STX16: variants seen among roughly 807,000 people sequenced by gnomAD.
STX16 encodes syntaxin 16.
In STX16, 28 loss-of-function variants were observed where a neutral mutation model predicts 42.7. The ratio of observed to expected loss-of-function variants is 0.66; its 90% CI spans 0.49 to 0.90. The LOEUF is 0.90. Ranked by LOEUF, STX16 falls within the 40% of genes least tolerant of loss-of-function variation. The pLI, the probability that STX16 is intolerant of heterozygous loss-of-function variation, is 0.00. For synonymous variants in STX16, 156 were observed against 155.2 expected (o/e 1.00, Z -0.04); for missense variants, 361 against 420.9 (o/e 0.86, Z 1.24).
chr20:58,667,133 A>T, intron 2 of STX16: 1 of 341,628 alleles, frequency 2.9e-6, no homozygotes, highest in South Asian at 2.5e-5. Context: ...CCGTTCTATC[A>T]CAGTACTAGT....
At chr20:58,658,634 A>T (rs900001436) in intron 1 of STX16, among the ~76,000 whole-genome samples, 2 of 152,224 alleles carry the variant, frequency 1.3e-5, no homozygotes, top group Non-Finnish European at 2.9e-5. Flanking sequence ...TTACTGCTAA[A>T]CATAAAAAAA....
chr20:58,651,963 A>T lies in STX16; in HGVS notation c.-44A>T, dbSNP rs549213992. 1.9e-6 allele frequency: 3 copies of T among 1,604,716 alleles called. No individual in the cohort carries two copies. The African/African-American group carries it at 4.0e-5, about 21-fold the overall frequency. ...AGAAAGTGAATAAATCAGGAATATA[A>T]GTGGGCGGGGGGCCCCTGAGAGGGG... On this transcript the variant is annotated 5_prime_UTR_variant, in exon 1 of 9. In the 5' UTR this introduces an upstream ATG that the reference lacks. Transcript: ENST00000371141.
chr20:58,652,371 ACCCCCCCCC>A (rs11481928), intron 1 of STX16: 11 of 462,056 alleles, frequency 2.4e-5, no homozygotes, highest in Middle Eastern at 6.0e-4. Context: ...CTTCCGCAGC[ACCCCCCCCC>A]CCGCACCCCC....
Position 58,659,508 on chromosome 20 carries a change from T to TA in STX16, c.133-111dup, listed in dbSNP as rs202200795. On this transcript the variant is annotated intron_variant, in intron 1 of 8. Coordinates refer to ENST00000371141, the MANE Select transcript of STX16 (RefSeq NM_001001433.3). ...AGTGGATCTTTATATTTAGTCAGCT[T>TA]AAAATCTCAGTGTTTTCTCAACTGA... 6 of 1,061,594 alleles carry TA rather than the reference T, an allele frequency of 5.7e-6. No individual in the cohort carries two copies. In the East Asian group the frequency reaches 1.6e-4, roughly 28 times the overall value. 65.8% of individuals were successfully genotyped at this position (1,061,594 alleles called of 1,614,324 possible).
chr20:58,666,308 T>G (rs1232856001), intron 2 of STX16, among the ~76,000 whole-genome samples: 2 of 152,154 alleles, frequency 1.3e-5, no homozygotes, highest in Non-Finnish European at 2.9e-5. Flanking sequence ...ATTTAAAAAT[T>G]CTGAGCTCTG....
chr20:58,678,095 T>A lies in STX16; in HGVS notation c.*1804T>A, dbSNP rs1410444560. On this transcript the variant is annotated 3_prime_UTR_variant, in exon 9 of 9. Coordinates refer to ENST00000371141, the MANE Select transcript of STX16 (RefSeq NM_001001433.3). ...CATCCCATCTGATTTTAACCCATGG[T>A]TGAGACGTTCCAAGTTAGATCTGCT... is the stretch of plus-strand genomic sequence containing the variant. 2 of 152,242 alleles carry A rather than the reference T, an allele frequency of 1.3e-5. No homozygotes were observed. Among genetic ancestry groups the A allele is most frequent in the African/African-American group, 4.8e-5 (2 of 41,452 alleles). 9.4% of individuals were successfully genotyped at this position (152,242 alleles called of 1,614,324 possible). A position where few individuals can be genotyped will look rare whatever the true frequency, so the allele number is the denominator to read the frequency against.
intron 7 of STX16, among the ~76,000 whole-genome samples, chr20:58,672,085 C>T (rs7268145): frequency 0.036 from 5,490 of 152,188 alleles, 329 homozygotes; most frequent in African/African-American, 0.13. Flanking sequence ...GTAATCCCAG[C>T]ACTTTGGGGG....
Position 58,651,982 on chromosome 20 carries a change from A to C in STX16, c.-25A>C, listed in dbSNP as rs368579447. ...AATATAAGTGGGCGGGGGGCCCCTG[A>C]GAGGGGGGTCGCAAAGGGTGAGACA... On this transcript the variant is annotated 5_prime_UTR_variant, in exon 1 of 9. Coordinates refer to ENST00000371141, the MANE Select transcript of STX16 (RefSeq NM_001001433.3). 458 of 1,612,518 alleles carry C rather than the reference A, an allele frequency of 2.8e-4. 7 individuals are homozygous for C. In the South Asian group the frequency reaches 3.5e-3, roughly 12 times the overall value.
At chr20:58,655,141 C>G (rs1008153813) in intron 1 of STX16, among the ~76,000 whole-genome samples, 2 of 152,088 alleles carry the variant, frequency 1.3e-5, no homozygotes, top group African/African-American at 4.8e-5. Context: ...AAGCTGTAGA[C>G]TTTGATCTTG....
At chr20:58,668,175 G>A in intron 4 of STX16, 48 bp downstream of exon 4, 1 of 1,605,652 alleles carries the variant, frequency 6.2e-7, no homozygotes, top group Non-Finnish European at 8.5e-7. Flanking sequence ...CCTTCTCATG[G>A]CAATCTCAGA....
chr20:58,679,011 C>T lies in STX16; in HGVS notation c.*2720C>T, dbSNP rs984937518. ...CTCTGGGCATCCCTGGATGCAGCCT[C>T]TGGACACATGCCTCCTTTAAAGTGT... On this transcript the variant is annotated 3_prime_UTR_variant, in exon 9 of 9. Transcript: ENST00000371141. 1.2e-4 allele frequency: 18 copies of T among 152,416 alleles called. No homozygotes were observed. Among genetic ancestry groups the T allele is most frequent in the African/African-American group, 4.1e-4 (17 of 41,594 alleles). The allele number at this position is 152,416 out of a possible 1,614,324, so 9.4% of individuals were successfully genotyped here. A position where few individuals can be genotyped will look rare whatever the true frequency, so the allele number is the denominator to read the frequency against.
chr20:58,676,037 G>T, intron 8 of STX16, 150 bp from the exon 9 acceptor site: 1 of 629,370 alleles, frequency 1.6e-6, no homozygotes. Flanking sequence ...AATTCCGTGG[G>T]ATTGATTGGA....
In STX16 at chr20:58,651,663, C is replaced by T; in HGVS notation, c.-344C>T. ...GGCTTCAGGGCCTCCCAGTCTAGAG[C>T]CGGATTGGCGAGTTAGACGCTTGTA... On this transcript the variant is annotated 5_prime_UTR_variant, in exon 1 of 9. Coordinates refer to ENST00000371141, the MANE Select transcript of STX16 (RefSeq NM_001001433.3). 4.0e-6 allele frequency: 1 copy of T among 251,070 alleles called. No homozygotes were observed. Among genetic ancestry groups the T allele is most frequent in the South Asian group, 4.6e-5 (1 of 21,784 alleles). 15.6% of individuals were successfully genotyped at this position (251,070 alleles called of 1,614,324 possible).
chr20:58,667,641 A>G, intron 3 of STX16, 44 bp downstream of exon 3: 4 of 1,507,016 alleles, frequency 2.7e-6, no homozygotes, highest in Non-Finnish European at 3.7e-6. Context: ...TTTTTAAGTA[A>G]TTATGACAAT....
intron 4 of STX16, among the ~76,000 whole-genome samples, chr20:58,668,537 A>G (rs941065298): frequency 1.3e-5 from 2 of 152,114 alleles, no homozygotes; most frequent in African/African-American, 4.8e-5. Context: ...TAATTTTAAA[A>G]TAATAGGACT....
intron 4 of STX16, among the ~76,000 whole-genome samples, chr20:58,668,966 G>A (rs1045477465): frequency 6.6e-6 from 1 of 152,076 alleles, no homozygotes; most frequent in East Asian, 1.9e-4. Context: ...TAGGTATTCT[G>A]CAAATATTCC....
intron 2 of STX16, among the ~76,000 whole-genome samples, chr20:58,660,713 CTTTTTTTTT>C (rs10706096): frequency 2.9e-3 from 204 of 70,748 alleles, no homozygotes; most frequent in African/African-American, 8.8e-3. Flanking sequence ...ATTCCTGCTC[CTTTTTTTTT>C]TTTTTTTTTT....
Position 58,668,071 on chromosome 20 carries a change from G to A in STX16, c.337G>A (p.Asp113Asn), listed in dbSNP as rs2083879014. The change falls in exon 4 of 9, where the codon GAT becomes AAT. Residue 113 changes from aspartate to asparagine, a missense_variant. By Grantham distance (23) the Asp-to-Asn change is conservative. Coordinates refer to ENST00000371141, the MANE Select transcript of STX16 (RefSeq NM_001001433.3). ...HDKHLNRPTLDDSSEEEHAIE... is the reference protein window; with the variant it reads ...HDKHLNRPTLNDSSEEEHAIE... Reference sequence around the variant, plus strand: ...CAAGCATTTAAACAGACCCACCCTGGATGACAGCAGCGAAGAGGAACATGC... The same window carrying A: ...CAAGCATTTAAACAGACCCACCCTGAATGACAGCAGCGAAGAGGAACATGC... 2.5e-6 allele frequency: 4 copies of A among 1,614,248 alleles called. No individual in the cohort carries two copies. The highest frequency in any genetic ancestry group is 3.4e-6 in the Non-Finnish European group (4 of 1,180,056).
chr20:58,673,612 A>G lies in STX16; in HGVS notation c.793-19A>G, dbSNP rs996958740. 6.4e-7 allele frequency: 1 copy of G among 1,561,330 alleles called. No individual in the cohort carries two copies. The highest frequency in any genetic ancestry group is 8.8e-7 in the Non-Finnish European group (1 of 1,133,716). The stretch of plus-strand genomic sequence containing the variant: ...CAGTTGCTATTGTTGATTGTCTGTA[A>G]CTGTCATTTATTACCTAGGGTACAG... On this transcript the variant is annotated intron_variant, in intron 7 of 8. Coordinates refer to ENST00000371141, the MANE Select transcript of STX16 (RefSeq NM_001001433.3).
Sources: allele counts gnomAD v4.1 joint callset (sites outside exome capture counted in the v4.1 genomes callset), GRCh38; gene constraint gnomAD v4.1.1; transcripts MANE v1.5; gene names NCBI Gene and HGNC (gene_info 2026-07-23, HGNC 2026-07-21).